Variants in OPCML observed in about 807,000 individuals in gnomAD.
OPCML encodes the protein opioid binding protein/cell adhesion molecule like.
Under a neutral mutation model 37.8 loss-of-function variants are expected in OPCML, and 13 were observed. That is an observed-to-expected ratio of 0.34 (90% confidence interval 0.22 to 0.55). The LOEUF is 0.55. Ranked by LOEUF, OPCML falls within the 20% of genes least tolerant of loss-of-function variation. The pLI, the probability that OPCML is intolerant of heterozygous loss-of-function variation, is 0.91. For missense variants in OPCML, 341 were observed against 435.6 expected, an observed-to-expected ratio of 0.78 and a Z score of 1.93; for synonymous variants, 176 against 168.8, an observed-to-expected ratio of 1.04 and a Z score of -0.33.
At chr11:133,263,681 C>T (rs557676980) in intron 1 of OPCML, among the ~76,000 whole-genome samples, 277 of 152,094 alleles carry the variant, frequency 1.8e-3, no homozygotes, top group Middle Eastern at 3.4e-3. Flanking sequence ...ATGAAACACC[C>T]GCCACTAATG....
chr11:133,279,637 C>G (rs980955075), intron 1 of OPCML, among the ~76,000 whole-genome samples: 2 of 152,162 alleles, frequency 1.3e-5, no homozygotes, highest in African/African-American at 2.4e-5. Context: ...CCACCTCCAC[C>G]CCATGCCCGG....
At chr11:133,188,034 G>T (rs1366724839) in intron 1 of OPCML, among the ~76,000 whole-genome samples, 1 of 152,196 alleles carries the variant, frequency 6.6e-6, no homozygotes, top group Non-Finnish European at 1.5e-5. Context: ...GAAGCCTTCT[G>T]TCCAAGCCAA....
intron 1 of OPCML, among the ~76,000 whole-genome samples, chr11:133,325,514 CAG>C (rs1943430152): frequency 1.3e-5 from 2 of 152,140 alleles, no homozygotes; most frequent in African/African-American, 2.4e-5. Flanking sequence ...AACCAAAAAA[CAG>C]AGAGATTATA....
chr11:132,532,462 G>A (rs2137311554), intron 3 of OPCML, among the ~76,000 whole-genome samples: 1 of 152,252 alleles, frequency 6.6e-6, no homozygotes, highest in East Asian at 1.9e-4. Context: ...TTTATGGAGA[G>A]AAGATCCTTA....
At chr11:132,790,444 G>A (rs1937823137) in intron 2 of OPCML, among the ~76,000 whole-genome samples, 1 of 152,194 alleles carries the variant, frequency 6.6e-6, no homozygotes, top group South Asian at 2.1e-4. Flanking sequence ...GGTATTATAT[G>A]CATGTATCAA....
chr11:132,454,473 C>A (rs561521570), intron 4 of OPCML, among the ~76,000 whole-genome samples: 10 of 152,328 alleles, frequency 6.6e-5, no homozygotes, highest in Non-Finnish European at 1.3e-4. Flanking sequence ...AGGCACCAGG[C>A]CCTCACTATC....
At chr11:133,051,914 A>G (rs537942777) in intron 1 of OPCML, among the ~76,000 whole-genome samples, 2 of 152,282 alleles carry the variant, frequency 1.3e-5, no homozygotes, top group Middle Eastern at 3.4e-3. Context: ...TTTGTCATGC[A>G]CTTGTCTTTC....
At chr11:132,480,651 T>C (rs1301872344) in intron 4 of OPCML, among the ~76,000 whole-genome samples, 1 of 152,156 alleles carries the variant, frequency 6.6e-6, no homozygotes, top group Admixed American at 6.5e-5. Context: ...GGGAAGCCCA[T>C]CAGACTAACA....
At chr11:133,189,064 A>G (rs1421966973) in intron 1 of OPCML, among the ~76,000 whole-genome samples, 5 of 152,018 alleles carry the variant, frequency 3.3e-5, no homozygotes, top group Non-Finnish European at 7.4e-5. Context: ...TATCTTCCCC[A>G]TTCTCTCTCT....
chr11:132,665,353 A>G (rs1942172285), intron 2 of OPCML, among the ~76,000 whole-genome samples: 1 of 152,208 alleles, frequency 6.6e-6, no homozygotes, highest in Admixed American at 6.5e-5. Flanking sequence ...AACAAGGGGA[A>G]TCTCTGGTCC....
At chr11:132,907,836 C>G (rs558971168) in intron 2 of OPCML, among the ~76,000 whole-genome samples, 5 of 152,102 alleles carry the variant, frequency 3.3e-5, no homozygotes, top group African/African-American at 1.2e-4. Context: ...GTAGTTTACA[C>G]GGTTTCCTTC....
At chr11:132,711,824 G>C (rs1485014661) in intron 2 of OPCML, among the ~76,000 whole-genome samples, 1 of 152,188 alleles carries the variant, frequency 6.6e-6, no homozygotes, top group Non-Finnish European at 1.5e-5. Context: ...CAAGCACAGA[G>C]ATCCTCCCTT....
intron 2 of OPCML, among the ~76,000 whole-genome samples, chr11:132,865,678 C>T (rs991985493): frequency 2.0e-5 from 3 of 152,130 alleles, no homozygotes; most frequent in African/African-American, 4.8e-5. Context: ...CTGGGGGAGT[C>T]GCCAAGACCA....
At chr11:132,461,793 T>C (rs773694414) in intron 4 of OPCML, among the ~76,000 whole-genome samples, 15 of 152,252 alleles carry the variant, frequency 9.9e-5, no homozygotes, top group Admixed American at 5.2e-4. Context: ...CATGTCCTTC[T>C]TCACATGATG....
intron 1 of OPCML, among the ~76,000 whole-genome samples, chr11:133,351,468 T>A (rs1039694985): frequency 9.2e-5 from 14 of 152,172 alleles, no homozygotes; most frequent in Non-Finnish European, 1.9e-4. Context: ...TCCACGCTTC[T>A]GTGACACCAA....
intron 4 of OPCML, among the ~76,000 whole-genome samples, chr11:132,442,371 C>G (rs2096038971): frequency 6.6e-6 from 1 of 152,172 alleles, no homozygotes; most frequent in Non-Finnish European, 1.5e-5. Context: ...TCTTTTCTTT[C>G]TCCCTTTATG....
At chr11:132,430,844 G>A (rs562740918) in intron 7 of OPCML, among the ~76,000 whole-genome samples, 20 of 152,148 alleles carry the variant, frequency 1.3e-4, no homozygotes, top group African/African-American at 3.1e-4. Flanking sequence ...TAAGCACGTC[G>A]CACTCTCTGC....
intron 1 of OPCML, among the ~76,000 whole-genome samples, chr11:133,180,527 G>C (rs1937773696): frequency 6.6e-6 from 1 of 152,236 alleles, no homozygotes; most frequent in African/African-American, 2.4e-5. Flanking sequence ...ATCTGCACAA[G>C]AATCACATCC....
intron 3 of OPCML, among the ~76,000 whole-genome samples, chr11:132,532,767 A>T (rs577383391): frequency 9.2e-5 from 14 of 152,168 alleles, no homozygotes; most frequent in Non-Finnish European, 1.9e-4. Context: ...CACACTGCGG[A>T]CCACAACAGG....
Sources: gnomAD v4.1 joint callset for allele counts (sites outside exome capture counted in the v4.1 genomes callset) on GRCh38, gnomAD v4.1.1 for gene constraint, MANE v1.5 for transcripts, NCBI Gene and HGNC (gene_info 2026-07-23, HGNC 2026-07-21) for gene names.